BRWD3: variants seen among roughly 807,000 people sequenced by gnomAD.
BRWD3 encodes bromodomain and WD repeat domain containing 3.
BRWD3 carries 10 observed loss-of-function variants against 149.7 expected under a neutral mutation model. The observed-to-expected ratio is 0.07, with a 90% confidence interval of 0.04 to 0.11. The LOEUF is 0.11. Among genes scored for constraint, BRWD3 ranks in the 10% least tolerant of loss-of-function variants. The pLI, the probability that BRWD3 is intolerant of heterozygous loss-of-function variation, is 1.00. For synonymous variants in BRWD3, 504 were observed against 456.7 expected, an observed-to-expected ratio of 1.10 and a Z score of -1.32; for missense variants, 940 against 1,373.2, an observed-to-expected ratio of 0.68 and a Z score of 4.99.
Position 80,723,808 on chromosome X carries a change from G to A in BRWD3, c.1590C>T (p.Cys530=), listed in dbSNP as rs1263763337. 5 of 1,210,218 alleles carry A rather than the reference G, an allele frequency of 4.1e-6. No individual in the cohort carries two copies. In the East Asian group the frequency reaches 1.5e-4, roughly 36 times the overall value. The change falls in exon 16 of 41, where the codon TGC becomes TGT. Residue 530 remains cysteine (C), a synonymous_variant. Transcript: ENST00000373275. Reference sequence around the variant, plus strand: ...GCAGCAAATGTCCATGAGAATCTGTGCAGGCAAAATGGTTTCCATCTGGTG... The same window carrying A: ...GCAGCAAATGTCCATGAGAATCTGTACAGGCAAAATGGTTTCCATCTGGTG... ...KFSPDGNHFA[C]TDSHGHLLLF...
chrX:80,796,133 GTT>G (rs202007432), intron 4 of BRWD3, among the ~76,000 whole-genome samples: 1 of 103,014 alleles, frequency 9.7e-6, no homozygotes, highest in Non-Finnish European at 2.0e-5. Context: ...CAATGTTTTT[GTT>G]TTTTTTTTTT....
chrX:80,787,863 T>C (rs968625592), intron 6 of BRWD3, among the ~76,000 whole-genome samples: 2 of 110,380 alleles, frequency 1.8e-5, no homozygotes, highest in African/African-American at 6.6e-5. Context: ...GGCAGGCGGA[T>C]CATGAGGTCA....
chrX:80,709,473 T>C lies in BRWD3; in HGVS notation c.2430A>G (p.Ser810=). 10 of 1,209,891 alleles carry C rather than the reference T, an allele frequency of 8.3e-6. No homozygotes were observed. Among genetic ancestry groups the C allele is most frequent in the Non-Finnish European group, 1.1e-5 (10 of 893,858 alleles). Residue 810 remains serine, a synonymous_variant, in exon 21 of 41, where the codon TCA becomes TCG. Transcript: ENST00000373275. ...CTTCCTGTACACCTGAATTTTGACATGATGCCTGTGAATTATGCTCTATGT... is the reference window on the plus strand; with the variant it reads ...CTTCCTGTACACCTGAATTTTGACACGATGCCTGTGAATTATGCTCTATGT... The part of the protein sequence containing the change: ...RSNIEHNSQA[S]CQNSGVQEDS...
intron 13 of BRWD3, 100 bp downstream of exon 13, chrX:80,729,816 C>A: frequency 1.6e-6 from 1 of 620,540 alleles, no homozygotes; most frequent in Non-Finnish European, 2.6e-6. Context: ...CAATTAACTT[C>A]AAACTATTTA....
intron 40 of BRWD3, among the ~76,000 whole-genome samples, chrX:80,679,204 G>A (rs1168375005): frequency 8.9e-6 from 1 of 111,809 alleles, no homozygotes; most frequent in Non-Finnish European, 1.9e-5. Flanking sequence ...ACTTCAGGCT[G>A]GAGACTAAGG....
At chrX:80,780,223 T>C (rs1444947920) in intron 6 of BRWD3, among the ~76,000 whole-genome samples, 1 of 110,859 alleles carries the variant, frequency 9.0e-6, no homozygotes, top group East Asian at 2.8e-4. Flanking sequence ...GAGTTAAACA[T>C]ATAGAACAAA....
At chrX:80,684,419 G>T (rs1050529764) in intron 36 of BRWD3, among the ~76,000 whole-genome samples, 1 of 111,869 alleles carries the variant, frequency 8.9e-6, no homozygotes, top group Non-Finnish European at 1.9e-5. Context: ...ATCCATAGCC[G>T]TTGGCTTCAT....
In BRWD3 at chrX:80,670,314, A is replaced by C. The variant is rs1353541152; in HGVS notation, c.*6295T>G. 9.0e-6 allele frequency among the ~76,000 whole-genome samples: 1 copy of C among 111,663 alleles called. No homozygotes were observed. Among genetic ancestry groups the C allele is most frequent in the East Asian group, 2.8e-4 (1 of 3,573 alleles). On this transcript the variant is annotated 3_prime_UTR_variant, in exon 41 of 41. Coordinates refer to ENST00000373275, the MANE Select transcript of BRWD3 (RefSeq NM_153252.5). Reference sequence around the variant, plus strand: ...ACTATCCCACCAAAAATCTCATTCAAAAGATCAACTCACAGGCTCAATATA... The same window carrying C: ...ACTATCCCACCAAAAATCTCATTCACAAGATCAACTCACAGGCTCAATATA...
In BRWD3 at chrX:80,676,749, C is replaced by T. The variant is rs2072370602; in HGVS notation, c.5269G>A (p.Val1757Ile). ...TTATCAGAATCATCATTATATAAAA[C>T]AGTCCTCCTGCCTTGGTTTCTTGTT... The part of the protein sequence containing the change: ...IKTRNQGRRT[V>I]LYNDDSDNDN... Residue 1757 changes from valine (V) to isoleucine (I), a missense_variant, in exon 41 of 41, where the codon GTT becomes ATT. Val to Ile is a conservative substitution (Grantham distance 29). Around this residue, in one of 6 missense-constraint regions of BRWD3, gnomAD observed 16 missense variants for 42.0 expected, o/e 0.38. Transcript: ENST00000373275. 2 of 1,209,382 alleles carry T rather than the reference C, an allele frequency of 1.7e-6. No homozygotes were observed. Among genetic ancestry groups the T allele is most frequent in the African/African-American group, 3.5e-5 (2 of 57,049 alleles).
chrX:80,742,806 G>C (rs1005952089), intron 8 of BRWD3, among the ~76,000 whole-genome samples: 10 of 111,440 alleles, frequency 9.0e-5, no homozygotes, highest in Non-Finnish European at 1.9e-4. Flanking sequence ...CTGAGACGAT[G>C]GAGTTTTCTA....
intron 6 of BRWD3, 90 bp from the exon 7 acceptor site, chrX:80,745,819 G>A: frequency 1.2e-6 from 1 of 865,759 alleles, no homozygotes; most frequent in Non-Finnish European, 1.7e-6. Flanking sequence ...ACAAAACAGA[G>A]TACATATATT....
At chrX:80,732,759 CAT>C (rs1322134774) in intron 12 of BRWD3, among the ~76,000 whole-genome samples, 2 of 111,715 alleles carry the variant, frequency 1.8e-5, no homozygotes, top group South Asian at 3.7e-4. Flanking sequence ...AGCTCTAAGT[CAT>C]GTGGTAAAAA....
At chrX:80,742,544 C>T (rs1400210342) in intron 8 of BRWD3, among the ~76,000 whole-genome samples, 3 of 110,193 alleles carry the variant, frequency 2.7e-5, no homozygotes, top group African/African-American at 1.0e-4. Context: ...GAATGTTCTT[C>T]CATTTGTTTG....
rs1486714473 is a variant in BRWD3 at position 80,687,017 on chromosome X, T to C, written c.3865-14A>G. ...TCGGCATTTGACCTACAGATTTTAATAGAGTTATATCTAAAAGATCTTTCC... is the reference window on the plus strand; with the variant it reads ...TCGGCATTTGACCTACAGATTTTAACAGAGTTATATCTAAAAGATCTTTCC... On this transcript the variant is annotated splice_polypyrimidine_tract_variant and intron_variant, in intron 34 of 40. Coordinates refer to ENST00000373275, the MANE Select transcript of BRWD3 (RefSeq NM_153252.5). 3.3e-6 allele frequency: 4 copies of C among 1,201,661 alleles called. No homozygotes were observed. Among genetic ancestry groups the C allele is most frequent in the East Asian group, 3.0e-5 (1 of 33,601 alleles).
At chrX:80,788,041 G>A (rs748198903) in intron 6 of BRWD3, among the ~76,000 whole-genome samples, 2 of 109,157 alleles carry the variant, frequency 1.8e-5, no homozygotes, top group South Asian at 4.0e-4. Context: ...CCGAGACTGC[G>A]CCACTGCACT....
chrX:80,741,198 T>C (rs1363624467), intron 8 of BRWD3, among the ~76,000 whole-genome samples: 1 of 111,306 alleles, frequency 9.0e-6, no homozygotes, highest in African/African-American at 3.3e-5. Flanking sequence ...CAGAGAATGA[T>C]GGTTTCCAGC....
chrX:80,677,159 C>G lies in BRWD3; in HGVS notation c.4859G>C (p.Gly1620Ala). ...AGTTGATTCAGAGTCAGAGTCAGAA[C>G]CACAGGTACTTTCAGAACTTAAACT... Reference protein sequence around the residue: ...GSSLSSESTCGSDSDSESTSR... With the variant: ...GSSLSSESTCASDSDSESTSR... Residue 1620 changes from glycine (G) to alanine (A), a missense_variant, in exon 41 of 41, where the codon GGT becomes GCT. By Grantham distance (60) the Gly-to-Ala change is moderately conservative. This residue lies in a region of BRWD3 where 349 missense variants were observed against 419.6 expected (regional missense o/e 0.83). Transcript: ENST00000373275. 1 of 1,211,821 alleles carries G rather than the reference C, an allele frequency of 8.3e-7. No individual in the cohort carries two copies. The highest frequency in any genetic ancestry group is 1.1e-6 in the Non-Finnish European group (1 of 895,453).
At chrX:80,736,519 G>GAAGT (rs2073406557) in intron 8 of BRWD3, among the ~76,000 whole-genome samples, 1 of 111,269 alleles carries the variant, frequency 9.0e-6, no homozygotes, top group African/African-American at 3.3e-5. Context: ...AAACACTTGG[G>GAAGT]AAGTTAATAT....
At position 80,723,934 on chromosome X, in the gene BRWD3, C is replaced by T. The variant is rs995405809; in HGVS notation, c.1522-58G>A. On this transcript the variant is annotated intron_variant, in intron 15 of 40. Transcript: ENST00000373275. ...GAGTAATTTTCAAATAATAGATAGG[C>T]GGTAACTTCTCCTTGTTAATACCAT... The T allele has an allele frequency of 4.3e-5, 48 of 1,121,289 alleles. 1 individual carries two copies. In the Middle Eastern group the frequency reaches 1.4e-3, roughly 34 times the overall value. The allele number at this position is 1,121,289 out of a possible 1,213,427, so 92.4% of individuals were successfully genotyped here.
Sources: allele counts gnomAD v4.1 joint callset (sites outside exome capture counted in the v4.1 genomes callset), GRCh38; gene constraint gnomAD v4.1.1; regional missense constraint gnomAD v4.1.1; transcripts MANE v1.5; gene names NCBI Gene and HGNC (gene_info 2026-07-23, HGNC 2026-07-21).